The following GBF1 variants were observed in gnomAD, a reference collection of about 807,000 sequenced individuals.
GBF1 encodes the protein golgi brefeldin A resistant guanine nucleotide exchange factor 1, also known as Golgi-specific brefeldin A-resistance guanine nucleotide exchange factor 1.
GBF1 carries 114 observed loss-of-function variants against 210.5 expected under a neutral mutation model. That is an observed-to-expected ratio of 0.54 (90% CI 0.47 to 0.63). The LOEUF (loss-of-function observed/expected upper bound fraction) is 0.63, where lower values mean the gene tolerates loss of function less well. Among genes scored for constraint, GBF1 ranks in the 30% least tolerant of loss-of-function variants. The pLI, the probability that GBF1 is intolerant of heterozygous loss-of-function variation, is 0.00. For missense variants in GBF1, 1,851 were observed against 2,357.7 expected (o/e 0.79, Z 4.45); for synonymous variants, 850 against 889.2 (o/e 0.96, Z 0.78).
intron 30 of GBF1, 139 bp downstream of exon 30, chr10:102,375,723 A>C: frequency 3.2e-6 from 2 of 632,658 alleles, no homozygotes; most frequent in Non-Finnish European, 5.6e-6. Context: ...CAGAGCTTCC[A>C]GTGCCCGCTG....
the GBF1 span, chr10:102,231,945 G>A: frequency 3.1e-6 from 5 of 1,590,264 alleles, no homozygotes; most frequent in East Asian, 2.2e-5. Context: ...CTGCACCCCC[G>A]GAAGGGGGCG....
intron 3 of GBF1, among the ~76,000 whole-genome samples, chr10:102,313,417 A>G (rs2134017079): frequency 6.6e-6 from 1 of 152,312 alleles, no homozygotes; most frequent in Non-Finnish European, 1.5e-5. Context: ...GGGTTACAGG[A>G]GGAGAAGATG....
chr10:102,321,848 G>C (rs2056428195), intron 3 of GBF1, among the ~76,000 whole-genome samples: 1 of 152,048 alleles, frequency 6.6e-6, no homozygotes, highest in Non-Finnish European at 1.5e-5. Context: ...AGGTGTGAGT[G>C]AGCCACTGCA....
chr10:102,302,986 C>CTTTT (rs1210930617), intron 3 of GBF1, among the ~76,000 whole-genome samples: 10 of 125,042 alleles, frequency 8.0e-5, no homozygotes, highest in South Asian at 2.6e-4. Flanking sequence ...CCATTTTAAG[C>CTTTT]TTTTTTTTTT....
At chr10:102,279,617 T>G (rs1394030646) in intron 3 of GBF1, among the ~76,000 whole-genome samples, 1 of 152,210 alleles carries the variant, frequency 6.6e-6, no homozygotes, top group Non-Finnish European at 1.5e-5. Flanking sequence ...CCTCTTATTT[T>G]TCTGTATTTT....
At chr10:102,312,518 ATAATCTTTGTTGGTAGGGCG>A (rs2078554609) in intron 3 of GBF1, among the ~76,000 whole-genome samples, 1 of 152,162 alleles carries the variant, frequency 6.6e-6, no homozygotes, top group Admixed American at 6.5e-5. Context: ...TTTCAATTCA[ATAATCTTTGTTGGTAGGGCG>A]TAACTATTCT....
rs989605310 is a variant in GBF1 at position 102,382,603 on chromosome 10, C to G, written c.*267C>G. ...TCATCTGCAGCCTCTGCCTCCAGCC[C>G]GGCAGCTCTGGGGAGGCATCCGTGT... On this transcript the variant is annotated 3_prime_UTR_variant, in exon 40 of 40. Coordinates refer to ENST00000369983, the MANE Select transcript of GBF1 (RefSeq NM_001377137.1). 1 of 418,848 alleles carries G rather than the reference C, an allele frequency of 2.4e-6. No homozygotes were observed. Among genetic ancestry groups the G allele is most frequent in the South Asian group, 5.7e-5 (1 of 17,556 alleles). 25.9% of individuals were successfully genotyped at this position (418,848 alleles called of 1,614,324 possible).
upstream of GBF1, among the ~76,000 whole-genome samples, chr10:102,242,314 A>C (rs190411872): frequency 4.6e-5 from 7 of 152,300 alleles, no homozygotes; most frequent in Admixed American, 6.5e-5. Context: ...AAAACAATTA[A>C]GAGGAGGTTC....
At chr10:102,239,709 A>C in the GBF1 span, among the ~76,000 whole-genome samples, 3 of 152,174 alleles carry the variant, frequency 2.0e-5, no homozygotes, top group African/African-American at 7.2e-5. Context: ...TCCTTGTGAA[A>C]ACTCAGTCCC....
chr10:102,319,344 G>A (rs1320898073), intron 3 of GBF1, among the ~76,000 whole-genome samples: 1 of 151,692 alleles, frequency 6.6e-6, no homozygotes, highest in Admixed American at 6.6e-5. Flanking sequence ...CAAAAGGCTA[G>A]CCTGGGTAAC....
chr10:102,303,794 G>A (rs2077609491), intron 3 of GBF1, among the ~76,000 whole-genome samples: 1 of 152,202 alleles, frequency 6.6e-6, no homozygotes, highest in African/African-American at 2.4e-5. Flanking sequence ...TACAAAGCAG[G>A]TACCCTCTCA....
chr10:102,373,875 C>T (rs2060346798), intron 29 of GBF1, among the ~76,000 whole-genome samples: 1 of 152,150 alleles, frequency 6.6e-6, no homozygotes, highest in African/African-American at 2.4e-5. Flanking sequence ...CTGGAATCGG[C>T]CCAGATGACT....
intron 3 of GBF1, among the ~76,000 whole-genome samples, chr10:102,336,299 CA>C (rs566414701): frequency 0.026 from 1,278 of 49,030 alleles, 5 homozygotes; most frequent in African/African-American, 0.081. Context: ...GACTTTGTCT[CA>C]AAAAAAAAAA....
chr10:102,257,162 C>A (rs994641433), intron 1 of GBF1, among the ~76,000 whole-genome samples: 4 of 152,088 alleles, frequency 2.6e-5, no homozygotes, highest in Non-Finnish European at 5.9e-5. Flanking sequence ...TAGCACAGAC[C>A]TTTTATTTTA....
At chr10:102,312,994 T>G (rs995641615) in intron 3 of GBF1, among the ~76,000 whole-genome samples, 2 of 152,170 alleles carry the variant, frequency 1.3e-5, no homozygotes, top group African/African-American at 4.8e-5. Flanking sequence ...AATGCACACC[T>G]TAGCCCTGTG....
At chr10:102,342,759 A>T (rs1356142276) in intron 3 of GBF1, among the ~76,000 whole-genome samples, 1 of 152,098 alleles carries the variant, frequency 6.6e-6, no homozygotes, top group Non-Finnish European at 1.5e-5. Context: ...TCTCTTTAGG[A>T]AGCCTTTTAG....
chr10:102,290,961 T>C (rs2076382831), intron 3 of GBF1, among the ~76,000 whole-genome samples: 1 of 152,252 alleles, frequency 6.6e-6, no homozygotes, highest in Admixed American at 6.5e-5. Flanking sequence ...CACATTTCTT[T>C]AATTACTAGC....
intron 1 of GBF1, among the ~76,000 whole-genome samples, chr10:102,246,398 A>G (rs2070833901): frequency 6.6e-6 from 1 of 152,154 alleles, no homozygotes; most frequent in Non-Finnish European, 1.5e-5. Flanking sequence ...TGTAAACACT[A>G]TACTTATCTT....
At chr10:102,372,835 C>A (rs766097881) in intron 29 of GBF1, among the ~76,000 whole-genome samples, 12 of 152,172 alleles carry the variant, frequency 7.9e-5, no homozygotes, top group African/African-American at 1.2e-4. Context: ...AGAAAATCTT[C>A]AGGATCTAGA....
Sources: allele counts gnomAD v4.1 joint callset (sites outside exome capture counted in the v4.1 genomes callset), GRCh38; gene constraint gnomAD v4.1.1; transcripts MANE v1.5; gene names NCBI Gene and HGNC (gene_info 2026-07-23, HGNC 2026-07-21).